Variants in ATP10B observed in about 807,000 individuals in gnomAD.
ATP10B encodes the protein phospholipid-transporting ATPase VB.
In ATP10B, 122 loss-of-function variants were observed where a neutral mutation model predicts 141.2. The ratio of observed to expected loss-of-function variants is 0.86; its 90% confidence interval spans 0.75 to 1.00. The LOEUF is 1.00. ATP10B is among the 50% of genes least tolerant of loss of function. The pLI is 0.00. For synonymous variants in ATP10B, 685 were observed against 692.0 expected (o/e 0.99, Z 0.16); for missense variants, 1,876 against 1,825.3 (o/e 1.03, Z -0.51).
chr5:160,787,398 C>T (rs1771250567), intron 1 of ATP10B, among the ~76,000 whole-genome samples: 1 of 152,084 alleles, frequency 6.6e-6, no homozygotes, highest in Non-Finnish European at 1.5e-5. Flanking sequence ...CTGCCCTAAC[C>T]TTCCTACAAC....
intron 7 of ATP10B, among the ~76,000 whole-genome samples, chr5:160,654,382 C>A (rs996348203): frequency 6.6e-6 from 1 of 152,142 alleles, no homozygotes; most frequent in African/African-American, 2.4e-5. Context: ...TAACTGGACA[C>A]TTCTTCTTGA....
At chr5:160,676,245 A>C (rs144248868) in intron 6 of ATP10B, among the ~76,000 whole-genome samples, 21 of 152,318 alleles carry the variant, frequency 1.4e-4, no homozygotes, top group Non-Finnish European at 3.1e-4. Context: ...CTAAGCAGTG[A>C]TGGCCATGGA....
chr5:160,809,892 A>C (rs1254463314), intron 1 of ATP10B, among the ~76,000 whole-genome samples: 1 of 152,160 alleles, frequency 6.6e-6, no homozygotes, highest in Non-Finnish European at 1.5e-5. Flanking sequence ...CTCTTATTGG[A>C]TATCAGGCTT....
Position 160,622,378 on chromosome 5 carries a change from C to T in ATP10B, c.1812+16G>A, listed in dbSNP as rs1470034643. 2 of 1,601,430 alleles carry T rather than the reference C, an allele frequency of 1.2e-6. No individual in the cohort carries two copies. Among genetic ancestry groups the T allele is most frequent in the African/African-American group, 2.7e-5 (2 of 74,536 alleles). The stretch of plus-strand genomic sequence containing the variant: ...ACCTCCTTTACCCTCCTCCCCCAGC[C>T]ATCGCTGGTCCTTACCCTCTGCCTG... On this transcript the variant is annotated intron_variant, in intron 14 of 25. Transcript: ENST00000327245.
the ATP10B span, among the ~76,000 whole-genome samples, chr5:160,892,021 C>T: frequency 2.6e-5 from 4 of 152,170 alleles, no homozygotes; most frequent in Non-Finnish European, 4.4e-5. Context: ...TTCTCCAAGC[C>T]AAGACGCTAT....
chr5:160,786,745 T>C (rs1771179291), intron 1 of ATP10B, among the ~76,000 whole-genome samples: 1 of 152,156 alleles, frequency 6.6e-6, no homozygotes, highest in Admixed American at 6.5e-5. Flanking sequence ...GTAAAGATTA[T>C]TCACATGCAT....
intron 13 of ATP10B, among the ~76,000 whole-genome samples, chr5:160,630,050 C>T (rs928601967): frequency 2.0e-4 from 31 of 152,190 alleles, no homozygotes; most frequent in African/African-American, 7.5e-4. Flanking sequence ...TAGCCCAGTG[C>T]CCTTCCTCAA....
chr5:160,666,912 T>C (rs1762352850), intron 7 of ATP10B, among the ~76,000 whole-genome samples: 1 of 152,212 alleles, frequency 6.6e-6, no homozygotes, highest in Non-Finnish European at 1.5e-5. Flanking sequence ...GATGAAGTAC[T>C]GAGCCTTAAA....
chr5:160,577,933 C>T (rs1755300096), intron 24 of ATP10B, among the ~76,000 whole-genome samples: 1 of 151,884 alleles, frequency 6.6e-6, no homozygotes, highest in South Asian at 2.1e-4. Context: ...TTAAAAGTTT[C>T]TATACCCCTT....
chr5:160,815,324 G>A (rs970901756), intron 1 of ATP10B, among the ~76,000 whole-genome samples: 8 of 152,110 alleles, frequency 5.3e-5, no homozygotes, highest in Non-Finnish European at 1.2e-4. Context: ...ACAAAAAAAA[G>A]CAGCAGTTGC....
At chr5:160,661,083 G>A (rs1044947668) in intron 7 of ATP10B, among the ~76,000 whole-genome samples, 1 of 152,274 alleles carries the variant, frequency 6.6e-6, no homozygotes, top group Admixed American at 6.5e-5. Context: ...CTACTCTGGA[G>A]GCTGAGGCAA....
At chr5:160,787,358 C>A (rs1175601549) in intron 1 of ATP10B, among the ~76,000 whole-genome samples, 1 of 152,138 alleles carries the variant, frequency 6.6e-6, no homozygotes, top group African/African-American at 2.4e-5. Context: ...TTACTCACTT[C>A]TGCCACGTAC....
At chr5:160,885,636 G>A in the ATP10B span, among the ~76,000 whole-genome samples, 1 of 152,200 alleles carries the variant, frequency 6.6e-6, no homozygotes, top group Non-Finnish European at 1.5e-5. Context: ...ACATGGCATA[G>A]AATGAGTCTG....
chr5:160,876,095 C>T, the ATP10B span, among the ~76,000 whole-genome samples: 1 of 63,230 alleles, frequency 1.6e-5, no homozygotes, highest in Non-Finnish European at 4.5e-5. Flanking sequence ...TTTTTCAGCA[C>T]CACACCACAC....
intron 15 of ATP10B, among the ~76,000 whole-genome samples, chr5:160,619,491 A>G (rs1421963): frequency 0.81 from 123,209 of 152,024 alleles, 50,093 homozygotes; most frequent in Middle Eastern, 0.87. Context: ...AGAGTCTGGG[A>G]ATAAAGAGAA....
the ATP10B span, among the ~76,000 whole-genome samples, chr5:160,911,980 T>G: frequency 7.9e-5 from 12 of 152,278 alleles, no homozygotes; most frequent in Non-Finnish European, 1.6e-4. Context: ...AATATTTAAA[T>G]AAACACTTTG....
chr5:160,746,340 T>G (rs112704836), intron 2 of ATP10B, among the ~76,000 whole-genome samples: 143 of 152,168 alleles, frequency 9.4e-4, no homozygotes, highest in African/African-American at 3.1e-3. Context: ...TTTGAATTGA[T>G]CCACTTACAT....
At chr5:160,915,584 G>A in the ATP10B span, among the ~76,000 whole-genome samples, 1 of 152,112 alleles carries the variant, frequency 6.6e-6, no homozygotes, top group African/African-American at 2.4e-5. Context: ...CACCTGCTTT[G>A]GCCTTCCAAA....
chr5:160,856,753 G>A (rs966594085), upstream of ATP10B, among the ~76,000 whole-genome samples: 6 of 151,706 alleles, frequency 4.0e-5, no homozygotes, highest in Non-Finnish European at 7.4e-5. Context: ...ATTTTTTATC[G>A]TGAATGGATT....
Sources: allele counts gnomAD v4.1 joint callset (sites outside exome capture counted in the v4.1 genomes callset), GRCh38; gene constraint gnomAD v4.1.1; transcripts MANE v1.5; gene names NCBI Gene and HGNC (gene_info 2026-07-23, HGNC 2026-07-21).